The following CFAP57 variants were observed in gnomAD, a reference collection of about 807,000 sequenced individuals.
CFAP57 encodes cilia- and flagella-associated protein 57.
In CFAP57, 116 loss-of-function variants were observed where a neutral mutation model predicts 146.8. That is an observed-to-expected ratio of 0.79 (90% CI 0.68 to 0.92). The LOEUF (loss-of-function observed/expected upper bound fraction) is 0.92. CFAP57 is among the 40% of genes least tolerant of loss of function. CFAP57 has a pLI of 0.00. For synonymous variants in CFAP57, 518 were observed against 552.8 expected, an observed-to-expected ratio of 0.94 and a Z score of 0.88; for missense variants, 1,377 against 1,527.2, an observed-to-expected ratio of 0.90 and a Z score of 1.64.
intron 6 of CFAP57, among the ~76,000 whole-genome samples, chr1:43,194,098 T>C (rs1643714899): frequency 6.6e-6 from 1 of 152,186 alleles, no homozygotes; most frequent in Non-Finnish European, 1.5e-5. Context: ...CTGGAGTAAC[T>C]TGCTTTCAAC....
At chr1:43,213,184 T>G (rs1260544480) in intron 11 of CFAP57, among the ~76,000 whole-genome samples, 2 of 151,972 alleles carry the variant, frequency 1.3e-5, no homozygotes, top group Non-Finnish European at 2.9e-5. Flanking sequence ...GCCTCCTGGG[T>G]TCAAGCGATT....
Position 43,219,325 on chromosome 1 carries a change from A to G in CFAP57, c.2092-57A>G. 2.0e-6 allele frequency: 3 copies of G among 1,504,912 alleles called. No individual in the cohort carries two copies. The South Asian group carries it at 3.9e-5, about 20-fold the overall frequency. The allele number at this position is 1,504,912 out of a possible 1,614,324, so 93.2% of individuals were successfully genotyped here. A position where few individuals can be genotyped will look rare whatever the true frequency, so the allele number is the denominator to read the frequency against. ...TCTCAGGTCAAGGCCGCAGGTTTAAATATTCTGAGTCACCCTTACTGTCAG... is the reference window on the plus strand; with the variant it reads ...TCTCAGGTCAAGGCCGCAGGTTTAAGTATTCTGAGTCACCCTTACTGTCAG... On this transcript the variant is annotated intron_variant, in intron 12 of 22. Coordinates refer to ENST00000372492, the MANE Select transcript of CFAP57 (RefSeq NM_001378189.1).
chr1:43,182,488 A>G (rs1422497563), intron 3 of CFAP57, among the ~76,000 whole-genome samples: 1 of 152,224 alleles, frequency 6.6e-6, no homozygotes, highest in Non-Finnish European at 1.5e-5. Context: ...CTAGCTAATC[A>G]GTGTCTCTGG....
At chr1:43,179,173 T>A (rs893000252) in intron 2 of CFAP57, among the ~76,000 whole-genome samples, 3 of 152,054 alleles carry the variant, frequency 2.0e-5, no homozygotes, top group Non-Finnish European at 4.4e-5. Flanking sequence ...TTAGGAGATA[T>A]ACCTAATGTA....
chr1:43,185,025 T>C lies in CFAP57; in HGVS notation c.762-124T>C, dbSNP rs185369201. The C allele has an allele frequency of 3.1e-4, 324 of 1,055,850 alleles. 1 individual carries two copies. In the African/African-American group the frequency reaches 4.5e-3, roughly 15 times the overall value. 65.4% of individuals were successfully genotyped at this position (1,055,850 alleles called of 1,614,324 possible). ...CAAGCCAAAGGGTAGTATTTGACTG[T>C]GGAAAAGGGGATCATTGGGTGGTTT... On this transcript the variant is annotated intron_variant, in intron 4 of 22. Transcript: ENST00000372492.
At position 43,253,979 on chromosome 1, in the gene CFAP57, C is replaced by T. The variant is rs1373886518; in HGVS notation, c.3541C>T (p.Pro1181Ser). 1 of 1,550,438 alleles carries T rather than the reference C, an allele frequency of 6.4e-7. No homozygotes were observed. Among genetic ancestry groups the T allele is most frequent in the Non-Finnish European group, 8.7e-7 (1 of 1,146,928 alleles). ...VRPQEVSETE[P>S]SRDMLSTAPT... is the part of the protein sequence containing the mutation. ...ATGAGTCCTGTTGTCTCTTACAGAA[C>T]CCAGCAGGGACATGCTCAGCACAGC... is the stretch of plus-strand genomic sequence containing the variant. Residue 1181 changes from proline (P) to serine (S), a missense_variant and splice_region_variant, in exon 23 of 23, where the codon CCC becomes TCC. Transcript: ENST00000372492.
intron 6 of CFAP57, among the ~76,000 whole-genome samples, chr1:43,187,251 C>T (rs1179244642): frequency 2.6e-5 from 4 of 152,124 alleles, no homozygotes; most frequent in Non-Finnish European, 5.9e-5. Flanking sequence ...AGTATAAATA[C>T]ACTGCAGACA....
chr1:43,243,246 A>G lies in CFAP57; in HGVS notation c.3425A>G (p.Lys1142Arg), dbSNP rs1218755795. The change falls in exon 22 of 23, where the codon AAG (lysine) becomes AGG (arginine). Residue 1142 changes from lysine (K) to arginine (R), a missense_variant. Transcript: ENST00000372492. ...RIMQENVSLIKEINELRRELK... is the reference protein window; with the variant it reads ...RIMQENVSLIREINELRRELK... ...CTGCAGGAAAATGTCTCTCTGATCA[A>G]GGAAATTAATGAGCTCCGCAGGGAG... The G allele has an allele frequency of 1.9e-6, 3 of 1,549,970 alleles. No homozygotes were observed. The highest frequency in any genetic ancestry group is 2.6e-6 in the Non-Finnish European group (3 of 1,146,740).
In CFAP57 at chr1:43,217,139, C is replaced by T. The variant is rs535113107; in HGVS notation, c.2091+1723C>T. On this transcript the variant is annotated intron_variant, in intron 12 of 22. Transcript: ENST00000372492. ...AGAGGGATGAGGGAGTGGTGGTCTGCAAAGCTGCTCCTAGTTAGGTTGTGC... is the reference window on the plus strand; with the variant it reads ...AGAGGGATGAGGGAGTGGTGGTCTGTAAAGCTGCTCCTAGTTAGGTTGTGC... Among the ~76,000 whole-genome samples the T allele has an allele frequency of 4.6e-5, 7 of 152,260 alleles. No homozygotes were observed. The East Asian group carries it at 1.4e-3, about 29-fold the overall frequency.
At chr1:43,243,112 C>A in intron 21 of CFAP57, 115 bp from the exon 22 acceptor site, 1 of 1,255,698 alleles carries the variant, frequency 8.0e-7, no homozygotes, top group Non-Finnish European at 1.1e-6. Flanking sequence ...ATCCAGAGTT[C>A]TGGATCCAGA....
At chr1:43,184,025 A>G (rs1416294857) in intron 4 of CFAP57, 148 bp downstream of exon 4, 10 of 915,978 alleles carry the variant, frequency 1.1e-5, no homozygotes, top group Admixed American at 6.9e-5. Context: ...GTTTTCGTCT[A>G]TATTTAAGCA....
chr1:43,234,216 G>C, intron 19 of CFAP57, 63 bp from the exon 20 acceptor site: 1 of 1,444,978 alleles, frequency 6.9e-7, no homozygotes. Context: ...ACCTCTGCCT[G>C]CAGCCCCCGC....
intron 16 of CFAP57, 123 bp downstream of exon 16, chr1:43,223,120 C>T: frequency 1.8e-6 from 2 of 1,123,344 alleles, no homozygotes; most frequent in East Asian, 2.7e-5. Flanking sequence ...CTTCAGCGAG[C>T]AGGCTGGGAG....
At position 43,185,362 on chromosome 1, in the gene CFAP57, G is replaced by A; in HGVS notation, c.969+6G>A. 1 of 1,613,638 alleles carries A rather than the reference G, an allele frequency of 6.2e-7. No homozygotes were observed. The highest frequency in any genetic ancestry group is 1.1e-5 in the South Asian group (1 of 91,036). On this transcript the variant is annotated splice_donor_region_variant and intron_variant, in intron 5 of 22. Coordinates refer to ENST00000372492, the MANE Select transcript of CFAP57 (RefSeq NM_001378189.1). ...GTGAGAGCAGAGAAATCAGGGTAAG[G>A]CGGGAAGAAAAAAAAGAAGTAAAAT...
chr1:43,195,224 C>T (rs1459298908), intron 6 of CFAP57, among the ~76,000 whole-genome samples: 1 of 152,094 alleles, frequency 6.6e-6, no homozygotes, highest in Non-Finnish European at 1.5e-5. Flanking sequence ...CCCACAGAGC[C>T]ATTAAAGAAC....
intron 21 of CFAP57, among the ~76,000 whole-genome samples, chr1:43,239,366 G>C (rs1216416425): frequency 1.3e-5 from 2 of 152,048 alleles, no homozygotes; most frequent in Admixed American, 1.3e-4. Flanking sequence ...GATGTCAGAG[G>C]TTGGCAGGGG....
At chr1:43,228,799 G>A (rs74865373) in intron 18 of CFAP57, among the ~76,000 whole-genome samples, 2,725 of 149,258 alleles carry the variant, frequency 0.018, 276 homozygotes, top group Middle Eastern at 0.051. Flanking sequence ...ATTGCTGAAA[G>A]TACTGGAAGC....
intron 14 of CFAP57, 23 bp from the exon 15 acceptor site, chr1:43,222,070 CTCCCACCTTAAA>C: frequency 1.3e-6 from 2 of 1,516,246 alleles, no homozygotes; most frequent in Non-Finnish European, 1.8e-6. Flanking sequence ...AAGTGCTGCT[CTCCCACCTTAAA>C]TACCATCCTT....
At chr1:43,185,822 G>T (rs962418365) in intron 5 of CFAP57, among the ~76,000 whole-genome samples, 9 of 152,092 alleles carry the variant, frequency 5.9e-5, no homozygotes, top group African/African-American at 2.2e-4. Flanking sequence ...AGAGGCTGAG[G>T]CAGGAGAATA....
Sources: allele counts gnomAD v4.1 joint callset (sites outside exome capture counted in the v4.1 genomes callset), GRCh38; gene constraint gnomAD v4.1.1; transcripts MANE v1.5; gene names NCBI Gene and HGNC (gene_info 2026-07-23, HGNC 2026-07-21).